CTNND2: variants seen among roughly 807,000 people sequenced by gnomAD.
CTNND2 encodes catenin delta 2, also known as catenin delta-2.
Under a neutral mutation model 144.4 loss-of-function variants are expected in CTNND2, and 22 were observed. The observed-to-expected ratio is 0.15, with a 90% confidence interval of 0.11 to 0.22. The LOEUF (loss-of-function observed/expected upper bound fraction) is 0.22. CTNND2 is among the 10% of genes least tolerant of loss of function. The pLI is 1.00. For missense variants in CTNND2, 1,353 were observed against 1,618.8 expected (o/e 0.84, Z 2.82); for synonymous variants, 751 against 695.6 (o/e 1.08, Z -1.25).
intron 10 of CTNND2, among the ~76,000 whole-genome samples, chr5:11,200,856 T>G (rs563156855): frequency 5.3e-5 from 8 of 152,234 alleles, no homozygotes; most frequent in African/African-American, 1.9e-4. Flanking sequence ...TTTTTTTGTA[T>G]TTTTAGTAGA....
At chr5:11,483,780 A>C (rs1486233116) in intron 3 of CTNND2, among the ~76,000 whole-genome samples, 2 of 152,296 alleles carry the variant, frequency 1.3e-5, no homozygotes, top group East Asian at 3.9e-4. Context: ...CAATGTGCTC[A>C]ACAAAGTTTA....
chr5:11,374,232 G>A (rs1757709795), intron 7 of CTNND2, among the ~76,000 whole-genome samples: 1 of 152,190 alleles, frequency 6.6e-6, no homozygotes, highest in African/African-American at 2.4e-5. Flanking sequence ...AGACCAGGTA[G>A]AATAAGAAAT....
intron 2 of CTNND2, among the ~76,000 whole-genome samples, chr5:11,641,483 G>A (rs1367366460): frequency 6.7e-6 from 1 of 149,964 alleles, no homozygotes; most frequent in Admixed American, 6.7e-5. Context: ...GTATGTATAT[G>A]TACATGCACA....
At chr5:11,051,259 CAG>C (rs1207207318) in intron 16 of CTNND2, among the ~76,000 whole-genome samples, 3 of 152,264 alleles carry the variant, frequency 2.0e-5, no homozygotes, top group African/African-American at 7.2e-5. Flanking sequence ...TTAGATCATG[CAG>C]AGAGATATGA....
intron 16 of CTNND2, among the ~76,000 whole-genome samples, chr5:11,053,188 CTCTTT>C (rs1220473975): frequency 6.6e-6 from 1 of 152,198 alleles, no homozygotes; most frequent in Non-Finnish European, 1.5e-5. Flanking sequence ...AGGTGCTTTT[CTCTTT>C]TCTTTTCTAA....
At chr5:11,801,217 T>C (rs1361663435) in intron 1 of CTNND2, among the ~76,000 whole-genome samples, 2 of 152,230 alleles carry the variant, frequency 1.3e-5, no homozygotes, top group Non-Finnish European at 2.9e-5. Flanking sequence ...GCATGGAGGT[T>C]TTTTGTAAGT....
At chr5:11,383,525 A>C (rs761064040) in intron 7 of CTNND2, among the ~76,000 whole-genome samples, 10 of 152,140 alleles carry the variant, frequency 6.6e-5, no homozygotes, top group Non-Finnish European at 1.3e-4. Context: ...CATTTCAGTA[A>C]ACGTAGCTAG....
chr5:11,763,681 T>C (rs1325365327), intron 1 of CTNND2, among the ~76,000 whole-genome samples: 1 of 152,226 alleles, frequency 6.6e-6, no homozygotes, highest in Non-Finnish European at 1.5e-5. Context: ...ACTGACACAA[T>C]TTCAGATATT....
At chr5:11,489,544 T>G (rs1179798690) in intron 3 of CTNND2, among the ~76,000 whole-genome samples, 1 of 152,200 alleles carries the variant, frequency 6.6e-6, no homozygotes, top group Non-Finnish European at 1.5e-5. Context: ...AAAACGTGAC[T>G]AGAGGAGCTT....
intron 15 of CTNND2, among the ~76,000 whole-genome samples, chr5:11,096,905 A>G (rs1429587903): frequency 6.6e-6 from 1 of 152,132 alleles, no homozygotes; most frequent in Non-Finnish European, 1.5e-5. Flanking sequence ...TGAAGCCCAG[A>G]GCCCATTTTC....
chr5:11,701,088 T>C (rs1785411553), intron 2 of CTNND2, among the ~76,000 whole-genome samples: 1 of 152,234 alleles, frequency 6.6e-6, no homozygotes, highest in Non-Finnish European at 1.5e-5. Flanking sequence ...AAATGTCTTT[T>C]ATGACGTCTA....
intron 18 of CTNND2, among the ~76,000 whole-genome samples, chr5:11,015,713 G>A (rs575382652): frequency 6.6e-6 from 1 of 152,314 alleles, no homozygotes; most frequent in East Asian, 1.9e-4. Flanking sequence ...AAACGTTCAG[G>A]ATCTAAAGGA....
chr5:11,248,651 A>G (rs1361152746), intron 9 of CTNND2, among the ~76,000 whole-genome samples: 1 of 152,194 alleles, frequency 6.6e-6, no homozygotes, highest in East Asian at 1.9e-4. Context: ...TCTCTTTATG[A>G]AAACTTAACT....
intron 12 of CTNND2, among the ~76,000 whole-genome samples, chr5:11,146,929 C>A (rs1757296928): frequency 6.6e-6 from 1 of 152,288 alleles, no homozygotes; most frequent in South Asian, 2.1e-4. Context: ...AGTTATCTCT[C>A]CAACTGGGAA....
intron 1 of CTNND2, among the ~76,000 whole-genome samples, chr5:11,849,683 A>G (rs949065404): frequency 6.6e-6 from 1 of 152,198 alleles, no homozygotes; most frequent in Non-Finnish European, 1.5e-5. Flanking sequence ...CTCTCTATGT[A>G]TCTCAAACCA....
At chr5:11,310,779 C>A (rs1361894556) in intron 9 of CTNND2, among the ~76,000 whole-genome samples, 1 of 151,360 alleles carries the variant, frequency 6.6e-6, no homozygotes, top group African/African-American at 2.4e-5. Flanking sequence ...CATACACTCT[C>A]ACATACACAC....
chr5:11,697,870 T>C (rs1252665957), intron 2 of CTNND2, among the ~76,000 whole-genome samples: 2 of 152,092 alleles, frequency 1.3e-5, no homozygotes, highest in East Asian at 1.9e-4. Context: ...GCATCAATTA[T>C]GAAAAAAGGC....
intron 2 of CTNND2, among the ~76,000 whole-genome samples, chr5:11,592,704 T>C (rs539783580): frequency 2.0e-5 from 3 of 151,554 alleles, no homozygotes; most frequent in South Asian, 4.2e-4. Context: ...CTAAAAATTA[T>C]AATCAAAACC....
At chr5:11,523,829 C>T (rs1006527730) in intron 3 of CTNND2, among the ~76,000 whole-genome samples, 2 of 152,150 alleles carry the variant, frequency 1.3e-5, no homozygotes, top group Admixed American at 6.5e-5. Flanking sequence ...TCTGCCCTGG[C>T]CAGGGCTTAC....
Sources: allele counts gnomAD v4.1 joint callset (sites outside exome capture counted in the v4.1 genomes callset), GRCh38; gene constraint gnomAD v4.1.1; transcripts MANE v1.5; gene names NCBI Gene and HGNC (gene_info 2026-07-23, HGNC 2026-07-21).